Variants in TUT4 observed in about 807,000 individuals in gnomAD.
The protein encoded by TUT4 is terminal uridylyltransferase 4.
A neutral mutation model predicts 192.2 loss-of-function variants in TUT4; 36 were observed. That is an observed-to-expected ratio of 0.19 (90% CI 0.14 to 0.25). The LOEUF is 0.25. Among genes scored for constraint, TUT4 ranks in the 10% least tolerant of loss-of-function variants. The pLI, the probability that TUT4 is intolerant of heterozygous loss-of-function variation, is 1.00. For synonymous variants in TUT4, 618 were observed against 666.0 expected, an observed-to-expected ratio of 0.93 and a Z score of 1.11; for missense variants, 1,493 against 1,957.2, an observed-to-expected ratio of 0.76 and a Z score of 4.47.
At chr1:52,506,650 C>T (rs1675660350) in intron 4 of TUT4, among the ~76,000 whole-genome samples, 1 of 152,080 alleles carries the variant, frequency 6.6e-6, no homozygotes, top group South Asian at 2.1e-4. Context: ...TTCTAATAGT[C>T]CTGTTCATAT....
chr1:52,501,487 T>C (rs1270661441), intron 4 of TUT4, among the ~76,000 whole-genome samples: 1 of 152,276 alleles, frequency 6.6e-6, no homozygotes, highest in East Asian at 1.9e-4. Context: ...GTGGAGAATT[T>C]GGAACCCTTG....
chr1:52,497,838 T>C (rs141000659), intron 4 of TUT4, among the ~76,000 whole-genome samples: 116 of 152,334 alleles, frequency 7.6e-4, no homozygotes, highest in African/African-American at 2.4e-3. Context: ...CAATTTCATA[T>C]CCTACTATCT....
chr1:52,509,872 C>T (rs758845375), intron 3 of TUT4, among the ~76,000 whole-genome samples, 160 bp from the exon 4 acceptor site: 2 of 152,048 alleles, frequency 1.3e-5, no homozygotes, highest in African/African-American at 2.4e-5. Flanking sequence ...TTTTAATAAA[C>T]TTATATACTG....
chr1:52,521,621 C>T (rs907976098), intron 2 of TUT4, among the ~76,000 whole-genome samples: 1 of 151,622 alleles, frequency 6.6e-6, no homozygotes. Flanking sequence ...GCTGTGATCG[C>T]GCCACTGCAC....
At chr1:52,459,853 G>A (rs1258248029) in intron 19 of TUT4, among the ~76,000 whole-genome samples, 1 of 152,114 alleles carries the variant, frequency 6.6e-6, no homozygotes, top group Non-Finnish European at 1.5e-5. Flanking sequence ...CTGCACGCCA[G>A]CCTGGGTGAC....
intron 20 of TUT4, among the ~76,000 whole-genome samples, chr1:52,455,077 A>T (rs1570468183): frequency 6.6e-6 from 1 of 152,280 alleles, no homozygotes; most frequent in East Asian, 1.9e-4. Flanking sequence ...TTGAGCCCAG[A>T]GCTCGAGACC....
intron 20 of TUT4, among the ~76,000 whole-genome samples, chr1:52,455,450 A>G (rs1660611253): frequency 1.3e-5 from 2 of 151,610 alleles, no homozygotes; most frequent in African/African-American, 4.8e-5. Context: ...TCTACTAAAT[A>G]TATAAAAAAT....
chr1:52,441,437 C>A lies in TUT4; in HGVS notation c.3823-3102G>T, dbSNP rs548871586. On this transcript the variant is annotated intron_variant, in intron 24 of 29. Coordinates refer to ENST00000257177, the MANE Select transcript of TUT4 (RefSeq NM_001009881.3). The stretch of plus-strand genomic sequence containing the variant: ...GACTACAGGCGTGCACCACCACTCT[C>A]GGCTAAATTTTTTTTTTTTTTTTTT... Among the ~76,000 whole-genome samples the A allele has an allele frequency of 1.4e-4, 21 of 145,978 alleles. No homozygotes were observed. In the East Asian group the frequency reaches 3.2e-3, roughly 22 times the overall value.
chr1:52,545,740 G>A (rs912676621), intron 1 of TUT4, among the ~76,000 whole-genome samples: 1 of 152,040 alleles, frequency 6.6e-6, no homozygotes, highest in Non-Finnish European at 1.5e-5. Flanking sequence ...TGGTAGGAAC[G>A]TAAAATGGTA....
chr1:52,517,786 A>G (rs1375016574), intron 2 of TUT4, among the ~76,000 whole-genome samples: 3 of 152,236 alleles, frequency 2.0e-5, no homozygotes, highest in African/African-American at 7.2e-5. Context: ...TGTAGAAGAA[A>G]AGATGAAATC....
At chr1:52,517,783 GA>G (rs1276641210) in intron 2 of TUT4, among the ~76,000 whole-genome samples, 1 of 152,150 alleles carries the variant, frequency 6.6e-6, no homozygotes, top group African/African-American at 2.4e-5. Context: ...AAATGTAGAA[GA>G]AAAGATGAAA....
intron 2 of TUT4, 117 bp downstream of exon 2, chr1:52,525,446 G>A: frequency 5.3e-6 from 7 of 1,308,960 alleles, no homozygotes; most frequent in East Asian, 2.5e-5. Flanking sequence ...GTTTTCATAC[G>A]GGAACAAAAG....
intron 11 of TUT4, among the ~76,000 whole-genome samples, chr1:52,478,257 T>A (rs1055824197): frequency 6.6e-6 from 1 of 152,166 alleles, no homozygotes; most frequent in Non-Finnish European, 1.5e-5. Context: ...TTAAGTAATT[T>A]TCATGTGCAG....
chr1:52,542,367 T>C (rs11800551), intron 1 of TUT4, among the ~76,000 whole-genome samples: 9,144 of 152,172 alleles, frequency 0.06, 298 homozygotes, highest in South Asian at 0.086. Flanking sequence ...AGTATAAACA[T>C]TCATGCAAAA....
Position 52,475,544 on chromosome 1 carries a change from A to G in TUT4, c.2024-9T>C. The G allele has an allele frequency of 6.3e-7, 1 of 1,597,576 alleles. No homozygotes were observed. The highest frequency in any genetic ancestry group is 8.5e-7 in the Non-Finnish European group (1 of 1,171,938). Reference sequence around the variant, plus strand: ...CTTGACTGAAAATGGATCTAGCAAAAGAGAAAATGGTAAATAGCTAAGTCT... The same window carrying G: ...CTTGACTGAAAATGGATCTAGCAAAGGAGAAAATGGTAAATAGCTAAGTCT... On this transcript the variant is annotated splice_polypyrimidine_tract_variant and intron_variant, in intron 12 of 29. Transcript: ENST00000257177.
At chr1:52,519,143 T>C (rs1679520207) in intron 2 of TUT4, among the ~76,000 whole-genome samples, 1 of 152,146 alleles carries the variant, frequency 6.6e-6, no homozygotes, top group African/African-American at 2.4e-5. Flanking sequence ...AACTGATGAA[T>C]GGACAAACAA....
At chr1:52,458,582 C>T in intron 19 of TUT4, 133 bp from the exon 20 acceptor site, 1 of 570,702 alleles carries the variant, frequency 1.8e-6, no homozygotes, top group Non-Finnish European at 3.0e-6. Context: ...ACTGCACCGT[C>T]TATAATCCCA....
At chr1:52,424,118 T>TA in intron 29 of TUT4, 116 bp from the exon 30 acceptor site, 1 of 1,005,256 alleles carries the variant, frequency 9.9e-7, no homozygotes, top group Non-Finnish European at 1.5e-6. Flanking sequence ...TAGGAGGTGA[T>TA]AAAGCATGCT....
rs1431006129 is a variant in TUT4, at chr1:52,540,299, G to A, written c.-94+12632C>T. ...TGGGAGGCCAAGGCGGGTGGATCAC[G>A]AGGTCAGGAGTTCAAGACCAGCCTG... On this transcript the variant is annotated intron_variant, in intron 1 of 29. Transcript: ENST00000257177. 4.6e-5 allele frequency among the ~76,000 whole-genome samples: 7 copies of A among 151,496 alleles called. 1 individual carries two copies. The highest frequency in any genetic ancestry group is 1.3e-4 in the Admixed American group (2 of 15,208).
Sources: gnomAD v4.1 joint callset for allele counts (sites outside exome capture counted in the v4.1 genomes callset) on GRCh38, gnomAD v4.1.1 for gene constraint, MANE v1.5 for transcripts, NCBI Gene and HGNC (gene_info 2026-07-23, HGNC 2026-07-21) for gene names.